CDH20: variants seen among roughly 807,000 people sequenced by gnomAD.
The protein encoded by CDH20 is cadherin-20.
A neutral mutation model predicts 74.2 loss-of-function variants in CDH20; 29 were observed. The observed-to-expected ratio is 0.39, with a 90% confidence interval of 0.29 to 0.53. The LOEUF (loss-of-function observed/expected upper bound fraction) is 0.53. Ranked by LOEUF, CDH20 falls within the 20% of genes least tolerant of loss-of-function variation. The pLI is 0.69. For missense variants in CDH20, 988 were observed against 1,048.3 expected, an observed-to-expected ratio of 0.94 and a Z score of 0.79; for synonymous variants, 469 against 405.4, an observed-to-expected ratio of 1.16 and a Z score of -1.88.
At chr18:61,523,451 G>A (rs1253827966) in intron 6 of CDH20, among the ~76,000 whole-genome samples, 1 of 152,114 alleles carries the variant, frequency 6.6e-6, no homozygotes, top group Non-Finnish European at 1.5e-5. Flanking sequence ...AAATAGGAAT[G>A]CTTTTTTACA....
intron 6 of CDH20, among the ~76,000 whole-genome samples, chr18:61,521,322 T>C (rs145524740): frequency 0.04 from 6,051 of 151,344 alleles, 257 homozygotes; most frequent in Middle Eastern, 0.11. Flanking sequence ...CTAGAAAATC[T>C]AGAAGAAATG....
chr18:61,484,914 C>G (rs1910706504), intron 1 of CDH20, among the ~76,000 whole-genome samples: 1 of 152,088 alleles, frequency 6.6e-6, no homozygotes, highest in Admixed American at 6.6e-5. Context: ...CAAAACAGCA[C>G]TCTCGCATAA....
intron 1 of CDH20, among the ~76,000 whole-genome samples, chr18:61,466,332 A>G (rs1057218118): frequency 1.2e-4 from 18 of 152,192 alleles, no homozygotes; most frequent in Non-Finnish European, 2.2e-4. Flanking sequence ...AACATTTACA[A>G]TAACTTACAA....
rs913205652 is a variant in CDH20 at position 61,555,196 on chromosome 18, T to C, written c.*501T>C. On this transcript the variant is annotated 3_prime_UTR_variant, in exon 12 of 12. Transcript: ENST00000262717. ...CAAAAAACTTGTTACTCAGTGAAAT[T>C]AACCTACTTGTTCTGGGATGGATGG... 1.0e-6 allele frequency: 1 copy of C among 977,412 alleles called. No individual in the cohort carries two copies. Among genetic ancestry groups the C allele is most frequent in the East Asian group, 1.2e-4 (1 of 8,252 alleles). 60.5% of individuals were successfully genotyped at this position (977,412 alleles called of 1,614,324 possible). A position where few individuals can be genotyped will look rare whatever the true frequency, so the allele number is the denominator to read the frequency against.
Position 61,475,262 on chromosome 18 carries a change from C to A in CDH20, c.-152-15140C>A, listed in dbSNP as rs528792939. Among the ~76,000 whole-genome samples the A allele has an allele frequency of 6.6e-5, 10 of 152,258 alleles. No individual in the cohort carries two copies. The South Asian group carries it at 2.1e-3, about 32-fold the overall frequency. On this transcript the variant is annotated intron_variant, in intron 1 of 11. Transcript: ENST00000262717. Reference sequence around the variant, plus strand: ...GTAGAAATGGTAGAATTTGACAGGTCTAAGTAGCCAGATATAGGGGTGTGA... The same window carrying A: ...GTAGAAATGGTAGAATTTGACAGGTATAAGTAGCCAGATATAGGGGTGTGA...
At chr18:61,381,967 AC>A (rs200896787) in intron 1 of CDH20, among the ~76,000 whole-genome samples, 12 of 150,426 alleles carry the variant, frequency 8.0e-5, no homozygotes, top group African/African-American at 2.4e-4. Context: ...TGTCACTACT[AC>A]CCCCCCCAGT....
chr18:61,355,073 G>A (rs1910452503), intron 1 of CDH20, among the ~76,000 whole-genome samples: 1 of 152,166 alleles, frequency 6.6e-6, no homozygotes, highest in Non-Finnish European at 1.5e-5. Context: ...CTGCATCACT[G>A]GAGCCCTTCC....
intron 7 of CDH20, among the ~76,000 whole-genome samples, chr18:61,532,108 C>T (rs1217532267): frequency 2.0e-5 from 3 of 152,220 alleles, no homozygotes; most frequent in African/African-American, 7.2e-5. Context: ...TGCAGCCAGA[C>T]TGCCTGGGCT....
intron 1 of CDH20, among the ~76,000 whole-genome samples, chr18:61,481,101 C>G (rs1228071082): frequency 6.6e-6 from 1 of 152,120 alleles, no homozygotes; most frequent in Non-Finnish European, 1.5e-5. Flanking sequence ...TACTGAGCAC[C>G]TAGTATGTGC....
intron 1 of CDH20, among the ~76,000 whole-genome samples, chr18:61,409,361 T>C (rs1316732937): frequency 6.6e-6 from 1 of 152,166 alleles, no homozygotes; most frequent in Non-Finnish European, 1.5e-5. Flanking sequence ...CTGTCTTTGC[T>C]AGCCTGAGCC....
chr18:61,400,371 G>A (rs970661481), intron 1 of CDH20, among the ~76,000 whole-genome samples: 4 of 152,236 alleles, frequency 2.6e-5, no homozygotes, highest in African/African-American at 9.6e-5. Context: ...GATGTGATTA[G>A]TGAGATAACA....
At chr18:61,470,357 C>G (rs1910122581) in intron 1 of CDH20, among the ~76,000 whole-genome samples, 1 of 152,216 alleles carries the variant, frequency 6.6e-6, no homozygotes, top group Non-Finnish European at 1.5e-5. Flanking sequence ...TTCCCCTATT[C>G]CCTCCATTTT....
At chr18:61,344,277 T>C (rs754069263) in intron 1 of CDH20, among the ~76,000 whole-genome samples, 2 of 152,196 alleles carry the variant, frequency 1.3e-5, no homozygotes, top group Non-Finnish European at 2.9e-5. Flanking sequence ...ATCCCATCTA[T>C]TCCTGATAAT....
At chr18:61,390,654 A>G (rs778305390) in intron 1 of CDH20, among the ~76,000 whole-genome samples, 35 of 152,216 alleles carry the variant, frequency 2.3e-4, no homozygotes, top group Admixed American at 1.5e-3. Flanking sequence ...AACAGAATAC[A>G]GAGTTCAGAA....
chr18:61,392,839 A>G (rs1371586214), intron 1 of CDH20, among the ~76,000 whole-genome samples: 1 of 151,922 alleles, frequency 6.6e-6, no homozygotes, highest in Non-Finnish European at 1.5e-5. Flanking sequence ...GAACCATGAA[A>G]GCAGCAAGGT....
chr18:61,527,228 T>C (rs78667085), intron 6 of CDH20, among the ~76,000 whole-genome samples: 21 of 152,250 alleles, frequency 1.4e-4, no homozygotes, highest in Non-Finnish European at 2.6e-4. Context: ...GAACTAAATA[T>C]ACAAACATTG....
At chr18:61,496,427 C>T (rs975827226) in intron 2 of CDH20, among the ~76,000 whole-genome samples, 15 of 151,326 alleles carry the variant, frequency 9.9e-5, no homozygotes, top group African/African-American at 3.2e-4. Context: ...ACGGAACTTT[C>T]GCCCTCCCCC....
chr18:61,550,157 G>A lies in CDH20; in HGVS notation c.1828G>A (p.Ala610Thr), dbSNP rs1415615376. The change falls in exon 11 of 12, where the codon GCC (alanine) becomes ACC (threonine). Residue 610 changes from alanine to threonine, a missense_variant. This residue lies in a region of CDH20 where 375 missense variants were observed against 293.1 expected (regional missense o/e 1.28). Coordinates refer to ENST00000262717, the MANE Select transcript of CDH20 (RefSeq NM_031891.4). Reference sequence around the variant, plus strand: ...CCACGTCATGTCCTGCAGCCCAGAGGCCTACATGCTCCCAGTCAGTTTGAG... The same window carrying A: ...CCACGTCATGTCCTGCAGCCCAGAGACCTACATGCTCCCAGTCAGTTTGAG... ...DGHVMSCSPE[A>T]YMLPVSLSRG... 1 of 1,614,158 alleles carries A rather than the reference G, an allele frequency of 6.2e-7. No individual in the cohort carries two copies. The highest frequency in any genetic ancestry group is 1.7e-5 in the Admixed American group (1 of 60,028).
chr18:61,366,367 T>C (rs566961537), intron 1 of CDH20, among the ~76,000 whole-genome samples: 1 of 152,320 alleles, frequency 6.6e-6, no homozygotes, highest in South Asian at 2.1e-4. Context: ...ATGGCCTTCC[T>C]CTGACCATTT....
Sources: gnomAD v4.1 joint callset for allele counts (sites outside exome capture counted in the v4.1 genomes callset) on GRCh38, gnomAD v4.1.1 for gene constraint, gnomAD v4.1.1 regional missense constraint, MANE v1.5 for transcripts, NCBI Gene and HGNC (gene_info 2026-07-23, HGNC 2026-07-21) for gene names.